NKAIN2: variants seen among roughly 807,000 people sequenced by gnomAD.
NKAIN2 encodes the protein sodium/potassium-transporting ATPase subunit beta-1-interacting protein 2.
NKAIN2 carries 14 observed loss-of-function variants against 32.6 expected under a neutral mutation model. The observed-to-expected ratio is 0.43, with a 90% CI of 0.28 to 0.67. The LOEUF is 0.67. Ranked by LOEUF, NKAIN2 falls within the 30% of genes least tolerant of loss-of-function variation. The pLI is 0.17. For synonymous variants in NKAIN2, 80 were observed against 87.2 expected, an observed-to-expected ratio of 0.92 and a Z score of 0.46; for missense variants, 198 against 258.3, an observed-to-expected ratio of 0.77 and a Z score of 1.60.
chr6:123,982,995 C>T (rs1245087906), intron 1 of NKAIN2, among the ~76,000 whole-genome samples: 7 of 145,432 alleles, frequency 4.8e-5, no homozygotes, highest in Non-Finnish European at 9.1e-5. Context: ...ACCCCCGCCC[C>T]CAACCTTTTT....
intron 1 of NKAIN2, among the ~76,000 whole-genome samples, chr6:124,178,206 C>T (rs1789256444): frequency 6.6e-6 from 1 of 152,154 alleles, no homozygotes; most frequent in Non-Finnish European, 1.5e-5. Context: ...TTCCAGCCTC[C>T]AGAACTGTGA....
intron 3 of NKAIN2, among the ~76,000 whole-genome samples, chr6:124,606,435 C>A (rs1161044043): frequency 6.6e-6 from 1 of 151,934 alleles, no homozygotes; most frequent in African/African-American, 2.4e-5. Flanking sequence ...TATCTCAGTG[C>A]TATAGTCTTT....
rs185667518 is a variant in NKAIN2 at position 124,473,205 on chromosome 6, T to C, written c.273+117858T>C. ...TTCAGTTTTCTTTTTGCAGGCAATC[T>C]TTCTAAAACACTTACATTGGAACCT... is the stretch of plus-strand genomic sequence containing the variant. On this transcript the variant is annotated intron_variant, in intron 3 of 6. Transcript: ENST00000368417. Among the ~76,000 whole-genome samples the C allele has an allele frequency of 4.2e-3, 645 of 152,344 alleles. 4 individuals carry two copies. Among genetic ancestry groups the C allele is most frequent in the Non-Finnish European group, 7.0e-3 (479 of 68,036 alleles).
chr6:124,607,258 CAAATT>C (rs1297310712), intron 3 of NKAIN2, among the ~76,000 whole-genome samples: 1 of 152,020 alleles, frequency 6.6e-6, no homozygotes, highest in Admixed American at 6.6e-5. Context: ...ATATTTTAGA[CAAATT>C]AAATTTAGTG....
intron 3 of NKAIN2, among the ~76,000 whole-genome samples, chr6:124,582,426 C>T (rs573878956): frequency 2.0e-5 from 3 of 152,206 alleles, no homozygotes; most frequent in East Asian, 1.9e-4. Context: ...AAATCCAAAA[C>T]GTGCAGACCA....
In NKAIN2 at chr6:124,031,859, T is replaced by C. The variant is rs565328146; in HGVS notation, c.54+227605T>C. 6.6e-4 allele frequency among the ~76,000 whole-genome samples: 100 copies of C among 152,230 alleles called. 2 individuals are homozygous for C. In the South Asian group the frequency reaches 0.019, roughly 29 times the overall value. On this transcript the variant is annotated intron_variant, in intron 1 of 6. Coordinates refer to ENST00000368417, the MANE Select transcript of NKAIN2 (RefSeq NM_001040214.3). The stretch of plus-strand genomic sequence containing the variant: ...GTGGTCAATTTTGGAATAAGTGCTA[T>C]TCCTCAAGGATCTAGAACTAGAAAT...
chr6:124,560,170 G>A (rs1441884795), intron 3 of NKAIN2, among the ~76,000 whole-genome samples: 1 of 152,068 alleles, frequency 6.6e-6, no homozygotes, highest in Non-Finnish European at 1.5e-5. Flanking sequence ...CACATCTCAT[G>A]GAGGAACCAG....
Position 123,942,469 on chromosome 6 carries a change from T to C in NKAIN2, c.54+138215T>C, listed in dbSNP as rs142526394. 3.4e-3 allele frequency among the ~76,000 whole-genome samples: 523 copies of C among 152,168 alleles called. 3 individuals carry two copies. Among genetic ancestry groups the C allele is most frequent in the African/African-American group, 0.012 (500 of 41,560 alleles). On this transcript the variant is annotated intron_variant, in intron 1 of 6. Transcript: ENST00000368417. ...CTGCATTACACTAATGAGGTACTGT[T>C]GGAGATTTTATATTCTTAAGTTACA...
intron 1 of NKAIN2, among the ~76,000 whole-genome samples, chr6:124,146,750 C>CA (rs1411187364): frequency 1.3e-5 from 2 of 152,042 alleles, no homozygotes; most frequent in Non-Finnish European, 2.9e-5. Context: ...ACACAAATCA[C>CA]AAAAAATACA....
chr6:123,935,164 T>G (rs1394771696), intron 1 of NKAIN2, among the ~76,000 whole-genome samples: 1 of 147,682 alleles, frequency 6.8e-6, no homozygotes, highest in Non-Finnish European at 1.5e-5. Flanking sequence ...AATACATATA[T>G]TTAAAAATAA....
chr6:124,580,281 A>T (rs1172429123), intron 3 of NKAIN2, among the ~76,000 whole-genome samples: 1 of 152,224 alleles, frequency 6.6e-6, no homozygotes, highest in African/African-American at 2.4e-5. Context: ...AATAGTAACT[A>T]CAACAACTCT....
At chr6:124,508,488 G>GCGCC (rs1562228181) in intron 3 of NKAIN2, among the ~76,000 whole-genome samples, 1 of 126,072 alleles carries the variant, frequency 7.9e-6, no homozygotes, top group African/African-American at 3.0e-5. Flanking sequence ...GGGACTACAG[G>GCGCC]CGCCACCATG....
intron 3 of NKAIN2, among the ~76,000 whole-genome samples, chr6:124,605,248 C>T (rs1002362919): frequency 1.3e-5 from 2 of 151,962 alleles, no homozygotes; most frequent in Non-Finnish European, 2.9e-5. Context: ...TTCGCTGGGT[C>T]TGTGAGAAGG....
chr6:124,173,179 A>C (rs987362289), intron 1 of NKAIN2, among the ~76,000 whole-genome samples: 10 of 152,158 alleles, frequency 6.6e-5, no homozygotes, highest in African/African-American at 2.4e-4. Flanking sequence ...ATACAATTGT[A>C]TTAAGAATAA....
chr6:124,552,398 G>A (rs1384464024), intron 3 of NKAIN2, among the ~76,000 whole-genome samples: 1 of 152,196 alleles, frequency 6.6e-6, no homozygotes, highest in African/African-American at 2.4e-5. Flanking sequence ...TCCAAAGTGA[G>A]TGAAGTTGGA....
chr6:124,406,288 C>CTATAAACTAG lies in NKAIN2; in HGVS notation c.273+50943_273+50952dup, dbSNP rs539963235. Among the ~76,000 whole-genome samples the CTATAAACTAG allele has an allele frequency of 6.1e-3, 930 of 152,170 alleles. 1 individual carries two copies. The highest frequency in any genetic ancestry group is 0.011 in the Non-Finnish European group (778 of 68,000). On this transcript the variant is annotated intron_variant, in intron 3 of 6. Transcript: ENST00000368417. ...CCACTAATCTTATTTATTTCTTTCT[C>CTATAAACTAG]TATAAACTAGTTTGCATTATTTTAT...
At chr6:123,855,350 T>TAA (rs1053531268) in intron 1 of NKAIN2, among the ~76,000 whole-genome samples, 4 of 152,156 alleles carry the variant, frequency 2.6e-5, no homozygotes, top group Non-Finnish European at 4.4e-5. Context: ...GGGTGGCACA[T>TAA]AAAAAAATAC....
chr6:124,280,603 T>C (rs142995632), intron 1 of NKAIN2, among the ~76,000 whole-genome samples: 5 of 152,248 alleles, frequency 3.3e-5, no homozygotes, highest in Non-Finnish European at 7.4e-5. Context: ...AATACATGCC[T>C]GGAGAAAAGC....
intron 4 of NKAIN2, among the ~76,000 whole-genome samples, chr6:124,769,032 T>G (rs777899379): frequency 6.6e-6 from 1 of 152,204 alleles, no homozygotes; most frequent in Non-Finnish European, 1.5e-5. Flanking sequence ...TCACATGTTG[T>G]TTCTTTCTTT....
Sources: gnomAD v4.1 joint callset for allele counts (sites outside exome capture counted in the v4.1 genomes callset) on GRCh38, gnomAD v4.1.1 for gene constraint, MANE v1.5 for transcripts, NCBI Gene and HGNC (gene_info 2026-07-23, HGNC 2026-07-21) for gene names.